The following CMKLR2 variants were observed in gnomAD, a reference collection of about 807,000 sequenced individuals.
CMKLR2 encodes chemerin-like receptor 2.
CMKLR2 carries 18 observed loss-of-function variants against 23.0 expected under a neutral mutation model. The ratio of observed to expected loss-of-function variants is 0.78; its 90% CI spans 0.54 to 1.16. The LOEUF (loss-of-function observed/expected upper bound fraction) is 1.16. CMKLR2 is among the 50% of genes most tolerant of loss of function. The probability of loss-of-function intolerance (pLI) is 0.00; values close to 1 mark genes in which losing one functional copy is unlikely to be tolerated. For synonymous variants in CMKLR2, 158 were observed against 158.9 expected, an observed-to-expected ratio of 0.99 and a Z score of 0.05; for missense variants, 401 against 412.7, an observed-to-expected ratio of 0.97 and a Z score of 0.25.
At chr2:206,212,677 G>A (rs1689612091) in intron 1 of CMKLR2, among the ~76,000 whole-genome samples, 1 of 152,192 alleles carries the variant, frequency 6.6e-6, no homozygotes, top group Non-Finnish European at 1.5e-5. Context: ...CTTGTTGGGA[G>A]AGCCCAGATA....
chr2:206,199,879 G>A (rs1689039184), intron 1 of CMKLR2, among the ~76,000 whole-genome samples: 1 of 152,036 alleles, frequency 6.6e-6, no homozygotes, highest in African/African-American at 2.4e-5. Context: ...ACCGTGCCCG[G>A]CCCTATGACA....
intron 1 of CMKLR2, among the ~76,000 whole-genome samples, chr2:206,184,300 C>T (rs925973040): frequency 2.8e-5 from 4 of 142,452 alleles, no homozygotes; most frequent in African/African-American, 5.1e-5. Context: ...CTCTCTCTCT[C>T]TTTTTTTTTT....
intron 1 of CMKLR2, among the ~76,000 whole-genome samples, chr2:206,208,777 C>A (rs76396864): frequency 1.3e-5 from 2 of 151,934 alleles, no homozygotes; most frequent in South Asian, 4.2e-4. Flanking sequence ...GTAACTAGGA[C>A]CTCCTGCCTC....
chr2:206,190,248 G>A (rs981143257), intron 1 of CMKLR2, among the ~76,000 whole-genome samples: 4 of 152,150 alleles, frequency 2.6e-5, no homozygotes, highest in African/African-American at 9.7e-5. Flanking sequence ...GATTTGGCTC[G>A]AGAAGGGACA....
In CMKLR2 at chr2:206,176,606, G is replaced by A. The variant is rs765186371; in HGVS notation, c.642C>T (p.Gly214=). The A allele has an allele frequency of 6.2e-7, 1 of 1,614,146 alleles. No homozygotes were observed. Among genetic ancestry groups the A allele is most frequent in the South Asian group, 1.1e-5 (1 of 91,086 alleles). ...TCATTGTTAGCAAAGGGAAGAGATAGCCAATGATAAATTTCACCCAAGTCA... is the reference window on the plus strand; with the variant it reads ...TCATTGTTAGCAAAGGGAAGAGATAACCAATGATAAATTTCACCCAAGTCA... ...HVLTWVKFII[G]YLFPLLTMSI... Residue 214 remains glycine (G), a synonymous_variant, in exon 2 of 2, where the codon GGC becomes GGT. Transcript: ENST00000621141.
chr2:206,208,699 G>A (rs1250158695), intron 1 of CMKLR2, among the ~76,000 whole-genome samples: 1 of 151,436 alleles, frequency 6.6e-6, no homozygotes, highest in Non-Finnish European at 1.5e-5. Context: ...GAATGCAGTG[G>A]CATGATCACA....
intron 1 of CMKLR2, among the ~76,000 whole-genome samples, chr2:206,209,339 CA>C (rs112877056): frequency 0.017 from 1,958 of 117,026 alleles, 22 homozygotes; most frequent in Admixed American, 0.041. Flanking sequence ...ACTCTGTCTC[CA>C]AAAAAAAAAA....
At chr2:206,181,691 G>A (rs1688417672) in intron 1 of CMKLR2, among the ~76,000 whole-genome samples, 1 of 152,196 alleles carries the variant, frequency 6.6e-6, no homozygotes, top group South Asian at 2.1e-4. Flanking sequence ...AGTGGCTCAC[G>A]CCTATAATCC....
chr2:206,217,273 A>G (rs1021347084), upstream of CMKLR2: 3 of 152,148 alleles, frequency 2.0e-5, no homozygotes, highest in African/African-American at 7.2e-5. Flanking sequence ...GGGTAGTCAC[A>G]TTGGAGATTA....
At chr2:206,182,615 C>T (rs1207198217) in intron 1 of CMKLR2, among the ~76,000 whole-genome samples, 1 of 152,022 alleles carries the variant, frequency 6.6e-6, no homozygotes, top group Non-Finnish European at 1.5e-5. Context: ...TCTCTCCAAC[C>T]TTGACCCACA....
chr2:206,181,861 A>T (rs1441675097), intron 1 of CMKLR2, among the ~76,000 whole-genome samples: 1 of 147,308 alleles, frequency 6.8e-6, no homozygotes, highest in Admixed American at 6.9e-5. Context: ...CTGAGACAGG[A>T]GAATTGCCTG....
chr2:206,185,579 G>A (rs1688553466), intron 1 of CMKLR2, among the ~76,000 whole-genome samples: 1 of 152,108 alleles, frequency 6.6e-6, no homozygotes, highest in East Asian at 1.9e-4. Flanking sequence ...TTCGCAAAGG[G>A]GAAAAGCAAT....
chr2:206,187,395 C>T (rs1162714469), intron 1 of CMKLR2, among the ~76,000 whole-genome samples: 1 of 152,186 alleles, frequency 6.6e-6, no homozygotes, highest in Non-Finnish European at 1.5e-5. Flanking sequence ...GCACAGCTTA[C>T]AGGTAGGAAT....
intron 1 of CMKLR2, among the ~76,000 whole-genome samples, chr2:206,193,566 G>A (rs1688821858): frequency 1.3e-5 from 2 of 152,156 alleles, no homozygotes; most frequent in Admixed American, 1.3e-4. Context: ...TTGCAGATAT[G>A]TTCATCCATA....
At chr2:206,200,810 C>G (rs1488600981) in intron 1 of CMKLR2, among the ~76,000 whole-genome samples, 1 of 152,146 alleles carries the variant, frequency 6.6e-6, no homozygotes, top group Non-Finnish European at 1.5e-5. Context: ...AGTAAAAAAC[C>G]ATCTGATACA....
intron 1 of CMKLR2, among the ~76,000 whole-genome samples, chr2:206,209,467 G>A (rs754028701): frequency 6.6e-6 from 1 of 151,916 alleles, no homozygotes; most frequent in South Asian, 2.1e-4. Flanking sequence ...TTTGCTGCAC[G>A]AATCAACCCA....
At chr2:206,216,513 C>T (rs1574337079), upstream of CMKLR2, among the ~76,000 whole-genome samples, 1 of 152,086 alleles carries the variant, frequency 6.6e-6, no homozygotes, top group Non-Finnish European at 1.5e-5. Flanking sequence ...AACTCCTGGG[C>T]TCAAGTAATC....
intron 1 of CMKLR2, among the ~76,000 whole-genome samples, chr2:206,211,999 CA>C (rs1689585337): frequency 6.6e-6 from 1 of 152,002 alleles, no homozygotes; most frequent in Non-Finnish European, 1.5e-5. Flanking sequence ...TTTCTTCTGT[CA>C]ATTTCATTTG....
upstream of CMKLR2, among the ~76,000 whole-genome samples, chr2:206,215,504 G>A (rs1159888299): frequency 2.6e-5 from 4 of 152,122 alleles, no homozygotes; most frequent in East Asian, 1.9e-4. Flanking sequence ...TATGTGCCAC[G>A]CATAGTTTAA....
Sources: allele counts gnomAD v4.1 joint callset (sites outside exome capture counted in the v4.1 genomes callset), GRCh38; gene constraint gnomAD v4.1.1; transcripts MANE v1.5; gene names NCBI Gene and HGNC (gene_info 2026-07-23, HGNC 2026-07-21).